The following DCBLD2 variants were observed in gnomAD, a reference collection of about 807,000 sequenced individuals.
DCBLD2 encodes the protein discoidin, CUB and LCCL domain-containing protein 2.
DCBLD2 carries 54 observed loss-of-function variants against 86.8 expected under a neutral mutation model. The ratio of observed to expected loss-of-function variants is 0.62; its 90% CI spans 0.50 to 0.78. The LOEUF is 0.78. DCBLD2 is among the 30% of genes least tolerant of loss of function. The pLI is 0.00. For synonymous variants in DCBLD2, 354 were observed against 341.3 expected (o/e 1.04, Z -0.41); for missense variants, 908 against 954.2 (o/e 0.95, Z 0.64).
At chr3:98,854,544 T>C (rs1942898734) in intron 2 of DCBLD2, among the ~76,000 whole-genome samples, 2 of 152,192 alleles carry the variant, frequency 1.3e-5, no homozygotes, top group South Asian at 4.1e-4. Context: ...AATTAGACTA[T>C]TGGGTATATA....
At chr3:98,867,696 C>T (rs1943178785) in intron 2 of DCBLD2, among the ~76,000 whole-genome samples, 1 of 152,104 alleles carries the variant, frequency 6.6e-6, no homozygotes, top group East Asian at 1.9e-4. Context: ...CTTATAATGG[C>T]AGGAGAGTTC....
At chr3:98,870,737 A>AAAAGAAAGAAAGAAAGAAAGAG (rs1943252329) in intron 2 of DCBLD2, among the ~76,000 whole-genome samples, 3 of 69,796 alleles carry the variant, frequency 4.3e-5, no homozygotes, top group South Asian at 5.0e-4. Flanking sequence ...AAAAGAAAGA[A>AAAAGAAAGAAAGAAAGAAAGAG]AAAGAAAGAA....
At chr3:98,876,809 T>C (rs920094485) in intron 2 of DCBLD2, among the ~76,000 whole-genome samples, 9 of 152,202 alleles carry the variant, frequency 5.9e-5, no homozygotes, top group Middle Eastern at 3.2e-3. Context: ...TACATCCACA[T>C]GATGGAGTTC....
chr3:98,824,523 T>G (rs1466346627), intron 4 of DCBLD2, among the ~76,000 whole-genome samples: 1 of 152,026 alleles, frequency 6.6e-6, no homozygotes, highest in Non-Finnish European at 1.5e-5. Context: ...AAAATTAAGG[T>G]TCTTGGGGGG....
chr3:98,800,574 G>C lies in DCBLD2; in HGVS notation c.1858+5C>G. Reference sequence around the variant, plus strand: ...CCTGGTACCAGAAGGCTGCAACATAGTTACCTGCAGAGTCAGCCTGCAGCA... The same window carrying C: ...CCTGGTACCAGAAGGCTGCAACATACTTACCTGCAGAGTCAGCCTGCAGCA... On this transcript the variant is annotated splice_donor_5th_base_variant and intron_variant, in intron 15 of 15. Transcript: ENST00000326840. The C allele has an allele frequency of 6.2e-7, 1 of 1,611,234 alleles. No individual in the cohort carries two copies. Among genetic ancestry groups the C allele is most frequent in the South Asian group, 1.1e-5 (1 of 90,458 alleles).
intron 3 of DCBLD2, among the ~76,000 whole-genome samples, chr3:98,836,073 T>C (rs906183005): frequency 1.6e-4 from 23 of 142,934 alleles, no homozygotes; most frequent in Non-Finnish European, 2.9e-4. Context: ...TGTATGTGTG[T>C]GTGTATGTAA....
At chr3:98,901,023 C>T (rs1943838827) in intron 1 of DCBLD2, 99 bp downstream of exon 1, 1 of 1,520,440 alleles carries the variant, frequency 6.6e-7, no homozygotes, top group Admixed American at 2.0e-5. Flanking sequence ...CGAAAGCGCA[C>T]CGCGCCTCCC....
In DCBLD2 at chr3:98,822,321, A is replaced by C; in HGVS notation, c.737T>G (p.Val246Gly). The C allele has an allele frequency of 6.2e-7, 1 of 1,614,014 alleles. No individual in the cohort carries two copies. The highest frequency in any genetic ancestry group is 8.5e-7 in the Non-Finnish European group (1 of 1,179,892). ...LCMAGVHAGVVSNTLGGQISV... is the reference protein window; with the variant it reads ...LCMAGVHAGVGSNTLGGQISV... Reference sequence around the variant, plus strand: ...GATTTGGCCGCCCAACGTGTTTGACACTACTCCTGCATGCACACCAGCCAT... The same window carrying C: ...GATTTGGCCGCCCAACGTGTTTGACCCTACTCCTGCATGCACACCAGCCAT... The change falls in exon 6 of 16, where the codon GTG becomes GGG. Residue 246 changes from valine (V) to glycine (G), a missense_variant. By Grantham distance (109) the Val-to-Gly change is moderately radical. Around this residue, in one of 3 missense-constraint regions of DCBLD2, gnomAD observed 606 missense variants for 678.5 expected, o/e 0.89. Transcript: ENST00000326840.
intron 3 of DCBLD2, among the ~76,000 whole-genome samples, chr3:98,840,573 T>C (rs1942602297): frequency 6.6e-6 from 1 of 152,214 alleles, no homozygotes; most frequent in East Asian, 1.9e-4. Flanking sequence ...CCTAGCTCAC[T>C]GCAGCCTCAA....
At chr3:98,801,786 A>G in intron 13 of DCBLD2, 137 bp from the exon 14 acceptor site, 1 of 587,434 alleles carries the variant, frequency 1.7e-6, no homozygotes, top group Non-Finnish European at 3.0e-6. Flanking sequence ...ATTCCCACCT[A>G]TGAGTGAGAA....
intron 2 of DCBLD2, among the ~76,000 whole-genome samples, chr3:98,868,293 A>C (rs1221319888): frequency 6.6e-6 from 1 of 152,142 alleles, no homozygotes; most frequent in East Asian, 1.9e-4. Context: ...TTGAGGAAAA[A>C]GACAGTGATC....
intron 3 of DCBLD2, among the ~76,000 whole-genome samples, chr3:98,836,542 C>T (rs1942453611): frequency 6.6e-6 from 1 of 151,666 alleles, no homozygotes; most frequent in African/African-American, 2.4e-5. Context: ...TTTTCCCCAC[C>T]TTTCCCGCCT....
intron 9 of DCBLD2, chr3:98,816,062 A>T (rs895774643): frequency 6.6e-6 from 1 of 151,562 alleles, no homozygotes; most frequent in Non-Finnish European, 1.5e-5. Flanking sequence ...AGAAAAATAT[A>T]AAAAAGCCAC....
intron 2 of DCBLD2, among the ~76,000 whole-genome samples, chr3:98,868,088 C>G (rs1943191476): frequency 6.6e-6 from 1 of 152,168 alleles, no homozygotes. Flanking sequence ...CAGGCGTGAG[C>G]CACCGTGCCC....
intron 1 of DCBLD2, among the ~76,000 whole-genome samples, chr3:98,890,955 C>T (rs954217638): frequency 2.0e-5 from 3 of 152,088 alleles, no homozygotes; most frequent in Non-Finnish European, 2.9e-5. Context: ...TGAAACTCCA[C>T]ATGTCCTACG....
chr3:98,847,229 ATT>A (rs755873856), intron 3 of DCBLD2, among the ~76,000 whole-genome samples: 25 of 62,762 alleles, frequency 4.0e-4, no homozygotes, highest in Non-Finnish European at 8.9e-4. Flanking sequence ...ACATGTTTTT[ATT>A]AGATTCAGTC....
At chr3:98,814,457 C>T (rs778231429) in intron 9 of DCBLD2, 24 of 152,058 alleles carry the variant, frequency 1.6e-4, no homozygotes, top group Non-Finnish European at 3.2e-4. Flanking sequence ...ACTGAGAATC[C>T]TCATGTACAG....
At chr3:98,862,688 TC>T (rs1197255088) in intron 2 of DCBLD2, among the ~76,000 whole-genome samples, 1 of 152,144 alleles carries the variant, frequency 6.6e-6, no homozygotes, top group Non-Finnish European at 1.5e-5. Context: ...TCCTAAAAAC[TC>T]TCAATAAATC....
At chr3:98,864,428 A>C (rs1438077366) in intron 2 of DCBLD2, among the ~76,000 whole-genome samples, 1 of 152,200 alleles carries the variant, frequency 6.6e-6, no homozygotes, top group African/African-American at 2.4e-5. Flanking sequence ...GGCACTATTC[A>C]CAATAGCAAA....
Sources: gnomAD v4.1 joint callset for allele counts (sites outside exome capture counted in the v4.1 genomes callset) on GRCh38, gnomAD v4.1.1 for gene constraint, gnomAD v4.1.1 regional missense constraint, MANE v1.5 for transcripts, NCBI Gene and HGNC (gene_info 2026-07-23, HGNC 2026-07-21) for gene names.